SMAD4: variants seen among roughly 807,000 people sequenced by gnomAD.
The protein encoded by SMAD4 is SMAD family member 4, also known as MAD homolog 4.
A neutral mutation model predicts 63.2 loss-of-function variants in SMAD4; 7 were observed. That is an observed-to-expected ratio of 0.11 (90% CI 0.06 to 0.21). The LOEUF is 0.21. SMAD4 is among the 10% of genes least tolerant of loss of function. The pLI, the probability that SMAD4 is intolerant of heterozygous loss-of-function variation, is 1.00. For synonymous variants in SMAD4, 215 were observed against 235.4 expected (o/e 0.91, Z 0.79); for missense variants, 312 against 693.8 (o/e 0.45, Z 6.18).
At chr18:51,073,388 TACACACACACACAC>T (rs201632233) in intron 10 of SMAD4, among the ~76,000 whole-genome samples, 1,546 of 64,052 alleles carry the variant, frequency 0.024, 63 homozygotes, top group Middle Eastern at 0.049. Flanking sequence ...TATATATATA[TACACACACACACAC>T]ACACACACAC....
rs1910565395 is a variant in SMAD4 at position 51,079,838 on chromosome 18, A to C, written c.*1371A>C. The C allele has an allele frequency of 4.3e-6, 1 of 232,462 alleles. No individual in the cohort carries two copies. The highest frequency in any genetic ancestry group is 8.5e-6 in the Non-Finnish European group (1 of 117,694). 14.4% of individuals were successfully genotyped at this position (232,462 alleles called of 1,614,324 possible). A position where few individuals can be genotyped will look rare whatever the true frequency, so the allele number is the denominator to read the frequency against. ...TTTTTTCTTTTGCACTTTTGAGTCC[A>C]ATCTCAGTGATGAGGTACCTTCTAC... On this transcript the variant is annotated 3_prime_UTR_variant, in exon 12 of 12. Transcript: ENST00000342988.
intron 4 of SMAD4, 56 bp from the exon 5 acceptor site, chr18:51,054,720 ATTTTT>A: frequency 1.7e-6 from 2 of 1,167,016 alleles, no homozygotes; most frequent in South Asian, 2.6e-5. Flanking sequence ...TGCTAATAAG[ATTTTT>A]TTTTCTGGGA....
In SMAD4 at chr18:51,058,223, C is replaced by A. The variant is rs2144427601; in HGVS notation, c.766C>A (p.Gln256Lys). ...PGQQQNGFTG[Q>K]PATYHHNSTT... ...ACAGCAGCAGAATGGATTTACTGGT[C>A]AGCCAGCTACTTACCATCATAGTAT... The change falls in exon 6 of 12, where the codon CAG becomes AAG. Residue 256 changes from glutamine to lysine, a missense_variant. Gln to Lys is a moderately conservative substitution (Grantham distance 53). This residue lies in a region of SMAD4 where 169 missense variants were observed against 211.0 expected (regional missense o/e 0.80). Transcript: ENST00000342988. 1.2e-6 allele frequency: 2 copies of A among 1,614,146 alleles called. No homozygotes were observed. The highest frequency in any genetic ancestry group is 2.2e-5 in the South Asian group (2 of 91,048).
chr18:51,038,250 GT>G (rs1246748203), intron 1 of SMAD4, among the ~76,000 whole-genome samples: 3 of 91,810 alleles, frequency 3.3e-5, no homozygotes, highest in African/African-American at 1.0e-4. Flanking sequence ...GAGCGAGACT[GT>G]GGGGGGGGGG....
At chr18:51,062,848 C>CTTTTTTTTTTT in intron 8 of SMAD4, among the ~76,000 whole-genome samples, 1 of 83,598 alleles carries the variant, frequency 1.2e-5, no homozygotes, top group Non-Finnish European at 2.5e-5. Context: ...TCTGGCTTTA[C>CTTTTTTTTTTT]TTGTTTTTTT....
At chr18:51,066,733 TTATC>T in intron 9 of SMAD4, 1 of 320,164 alleles carries the variant, frequency 3.1e-6, no homozygotes, top group Non-Finnish European at 6.0e-6. Context: ...CTTAGTTTCT[TTATC>T]TAAAAAAATT....
intron 9 of SMAD4, chr18:51,066,799 A>G (rs1050736726): frequency 6.6e-5 from 34 of 517,052 alleles, no homozygotes; most frequent in African/African-American, 3.8e-5. Flanking sequence ...TTCATACTAC[A>G]TGCTCCTGAC....
At chr18:51,050,195 T>G (rs2144409337) in intron 4 of SMAD4, among the ~76,000 whole-genome samples, 1 of 152,020 alleles carries the variant, frequency 6.6e-6, no homozygotes, top group South Asian at 2.1e-4. Context: ...CTGTCTTTAC[T>G]AAAAATATAA....
At chr18:51,073,184 T>G (rs1191717988) in intron 10 of SMAD4, among the ~76,000 whole-genome samples, 2 of 151,784 alleles carry the variant, frequency 1.3e-5, no homozygotes, top group Non-Finnish European at 2.9e-5. Flanking sequence ...TAGCATAGAT[T>G]CAGGCTGAAA....
rs1459715159 is a variant in SMAD4, at chr18:51,081,406, C to CT, written c.*2940dup. ...CGGGGAGTAGATCGTGGGATATAGTCTATCTCATTTTTAATAGTTTACCGC... is the reference window on the plus strand; with the variant it reads ...CGGGGAGTAGATCGTGGGATATAGTCTTATCTCATTTTTAATAGTTTACCGC... On this transcript the variant is annotated 3_prime_UTR_variant, in exon 12 of 12. Transcript: ENST00000342988. The CT allele has an allele frequency of 1.7e-5, 4 of 230,212 alleles. No individual in the cohort carries two copies. Among genetic ancestry groups the CT allele is most frequent in the African/African-American group, 8.9e-5 (4 of 45,114 alleles). 14.3% of individuals were successfully genotyped at this position (230,212 alleles called of 1,614,324 possible).
intron 4 of SMAD4, chr18:51,051,488 C>A: frequency 4.6e-6 from 2 of 433,002 alleles, no homozygotes; most frequent in South Asian, 1.6e-5. Context: ...CATTTCCAGC[C>A]TATCTTTTAC....
chr18:51,058,849 T>C (rs1909924368), intron 7 of SMAD4, among the ~76,000 whole-genome samples: 1 of 152,210 alleles, frequency 6.6e-6, no homozygotes, highest in Non-Finnish European at 1.5e-5. Flanking sequence ...CTTTGGATAA[T>C]GTTGAATCTA....
rs1043242523 is a variant in SMAD4, at chr18:51,084,003, C to T, written c.*5536C>T. ...AATAAACACTTAACGCGCGTGCGCA[C>T]GCGCGCGCGCACACACACACACACA... is the stretch of plus-strand genomic sequence containing the variant. On this transcript the variant is annotated 3_prime_UTR_variant, in exon 12 of 12. Transcript: ENST00000342988. The T allele has an allele frequency of 9.7e-4, 99 of 102,440 alleles. No homozygotes were observed. The highest frequency in any genetic ancestry group is 2.2e-3 in the Middle Eastern group (1 of 448). The allele number at this position is 102,440 out of a possible 1,614,324, so 6.3% of individuals were successfully genotyped here.
At position 51,081,910 on chromosome 18, in the gene SMAD4, C is replaced by G. The variant is rs750812933; in HGVS notation, c.*3443C>G. The G allele has an allele frequency of 4.3e-6, 1 of 232,162 alleles. No individual in the cohort carries two copies. The highest frequency in any genetic ancestry group is 8.5e-6 in the Non-Finnish European group (1 of 117,432). 14.4% of individuals were successfully genotyped at this position (232,162 alleles called of 1,614,324 possible). On this transcript the variant is annotated 3_prime_UTR_variant, in exon 12 of 12. Coordinates refer to ENST00000342988, the MANE Select transcript of SMAD4 (RefSeq NM_005359.6). ...AATAAAATGGTAAATGTTTCTGTGC[C>G]TGGTTTGATGGTAACTGGTTAATAG... is the stretch of plus-strand genomic sequence containing the variant.
At chr18:51,065,315 C>T (rs894111103) in intron 8 of SMAD4, 108 bp from the exon 9 acceptor site, 6 of 879,932 alleles carry the variant, frequency 6.8e-6, no homozygotes, top group South Asian at 2.7e-5. Flanking sequence ...ACATTTCCAT[C>T]TCCCCTCCCT....
At chr18:51,065,009 G>A (rs189700575) in intron 8 of SMAD4, among the ~76,000 whole-genome samples, 14 of 152,220 alleles carry the variant, frequency 9.2e-5, no homozygotes, top group Admixed American at 9.2e-4. Flanking sequence ...TAAAAGTTGA[G>A]ACTACATAGA....
intron 5 of SMAD4, among the ~76,000 whole-genome samples, chr18:51,055,424 A>G (rs1027752173): frequency 3.3e-5 from 5 of 152,182 alleles, no homozygotes; most frequent in African/African-American, 1.2e-4. Context: ...CTCACTGTGC[A>G]AAGGGATCTT....
chr18:51,062,527 C>CTCT (rs1910040542), intron 8 of SMAD4, among the ~76,000 whole-genome samples: 1 of 151,542 alleles, frequency 6.6e-6, no homozygotes, highest in Non-Finnish European at 1.5e-5. Context: ...TTGAGATGAA[C>CTCT]TCTTGTTCTG....
intron 7 of SMAD4, among the ~76,000 whole-genome samples, chr18:51,059,094 C>T (rs376212504): frequency 6.6e-6 from 1 of 152,078 alleles, no homozygotes; most frequent in Non-Finnish European, 1.5e-5. Context: ...TCAAAAACAG[C>T]CACTTCTAAT....
Sources: gnomAD v4.1 joint callset for allele counts (sites outside exome capture counted in the v4.1 genomes callset) on GRCh38, gnomAD v4.1.1 for gene constraint, gnomAD v4.1.1 regional missense constraint, MANE v1.5 for transcripts, NCBI Gene and HGNC (gene_info 2026-07-23, HGNC 2026-07-21) for gene names.